Variants in PPARG observed in about 807,000 individuals in gnomAD.
PPARG encodes the protein peroxisome proliferator-activated receptor gamma.
PPARG carries 17 observed loss-of-function variants against 39.2 expected under a neutral mutation model. The observed-to-expected ratio is 0.43, with a 90% CI of 0.30 to 0.65. PPARG has a LOEUF of 0.65. Among genes scored for constraint, PPARG ranks in the 30% least tolerant of loss-of-function variants. The pLI is 0.13. For synonymous variants in PPARG, 223 were observed against 215.7 expected (o/e 1.03, Z -0.30); for missense variants, 406 against 585.9 (o/e 0.69, Z 3.17).
intron 2 of PPARG, among the ~76,000 whole-genome samples, chr3:12,338,255 T>C (rs1207049253): frequency 6.6e-6 from 1 of 152,244 alleles, no homozygotes; most frequent in Non-Finnish European, 1.5e-5. Context: ...CAACTTGTAA[T>C]AAATGTTTTG....
Position 12,328,353 on chromosome 3 carries a change from G to C in PPARG, c.-9+15900G>C, listed in dbSNP as rs546657626. 13 of 731,002 alleles carry C rather than the reference G, an allele frequency of 1.8e-5. No homozygotes were observed. In the African/African-American group the frequency reaches 2.3e-4, roughly 13 times the overall value. The allele number at this position is 731,002 out of a possible 1,614,324, so 45.3% of individuals were successfully genotyped here. A position where few individuals can be genotyped will look rare whatever the true frequency, so the allele number is the denominator to read the frequency against. On this transcript the variant is annotated intron_variant, in intron 2 of 7. Coordinates refer to ENST00000651735, the MANE Select transcript of PPARG (RefSeq NM_138711.6). ...GCAGAGGAGTCTCTGCAGGGAAACAGCTTCTCCTCTGCCCTGATGGATGCT... is the reference window on the plus strand; with the variant it reads ...GCAGAGGAGTCTCTGCAGGGAAACACCTTCTCCTCTGCCCTGATGGATGCT...
At chr3:12,378,664 C>G (rs1357125391) in intron 2 of PPARG, among the ~76,000 whole-genome samples, 2 of 152,062 alleles carry the variant, frequency 1.3e-5, no homozygotes, top group African/African-American at 4.8e-5. Context: ...TTGCCAGGAG[C>G]TGGAGGGTGA....
chr3:12,345,704 G>C (rs765034131), intron 2 of PPARG, among the ~76,000 whole-genome samples: 6 of 152,160 alleles, frequency 3.9e-5, no homozygotes, highest in Non-Finnish European at 7.3e-5. Flanking sequence ...GTGAGCCCGT[G>C]ATTTCAACAG....
chr3:12,429,916 T>G (rs1311609216), intron 7 of PPARG, among the ~76,000 whole-genome samples: 2 of 152,222 alleles, frequency 1.3e-5, no homozygotes, highest in East Asian at 3.8e-4. Flanking sequence ...TGAGATCTTT[T>G]GCTGATGGTT....
chr3:12,361,330 T>C (rs1244175032), intron 2 of PPARG, among the ~76,000 whole-genome samples: 1 of 152,230 alleles, frequency 6.6e-6, no homozygotes, highest in East Asian at 1.9e-4. Context: ...TGCTTTTTCG[T>C]TTACTTAATA....
At chr3:12,333,124 A>G (rs948121106) in intron 2 of PPARG, among the ~76,000 whole-genome samples, 4 of 152,176 alleles carry the variant, frequency 2.6e-5, no homozygotes, top group African/African-American at 9.7e-5. Flanking sequence ...AGTGGTAGCA[A>G]TACCAAAGTG....
At chr3:12,354,448 G>A (rs187339935) in intron 2 of PPARG, among the ~76,000 whole-genome samples, 33 of 146,696 alleles carry the variant, frequency 2.2e-4, no homozygotes, top group South Asian at 1.5e-3. Flanking sequence ...AGAAGGCTCC[G>A]TTTAAAAAAA....
upstream of PPARG, chr3:12,287,804 GCCCCCGC>G (rs2046540636): frequency 3.4e-5 from 1 of 29,506 alleles, no homozygotes; most frequent in Admixed American, 2.9e-4. Context: ...CCCCGCCCCC[GCCCCCGC>G]CCCCGCCCCC....
chr3:12,378,566 T>A (rs182309301), intron 2 of PPARG, among the ~76,000 whole-genome samples: 3 of 151,386 alleles, frequency 2.0e-5, no homozygotes, highest in Non-Finnish European at 1.5e-5. Context: ...TTAAACTGGG[T>A]GGTATTTGAC....
intron 7 of PPARG, among the ~76,000 whole-genome samples, chr3:12,430,501 A>G (rs908093964): frequency 9.9e-5 from 15 of 152,252 alleles, no homozygotes; most frequent in Non-Finnish European, 1.6e-4. Flanking sequence ...CAAGTGGTCT[A>G]TCTTGGTAAG....
At chr3:12,300,249 A>AT (rs2046893139) in intron 1 of PPARG, among the ~76,000 whole-genome samples, 1 of 152,260 alleles carries the variant, frequency 6.6e-6, no homozygotes, top group African/African-American at 2.4e-5. Flanking sequence ...ATGACCACTC[A>AT]TTAAACCTGC....
At chr3:12,425,733 C>T (rs2051420755) in intron 7 of PPARG, among the ~76,000 whole-genome samples, 1 of 152,112 alleles carries the variant, frequency 6.6e-6, no homozygotes, top group African/African-American at 2.4e-5. Flanking sequence ...GCAGATGGCT[C>T]CCCTGGTCCT....
intron 7 of PPARG, among the ~76,000 whole-genome samples, chr3:12,419,640 T>G (rs1451502165): frequency 6.6e-6 from 1 of 152,010 alleles, no homozygotes; most frequent in Non-Finnish European, 1.5e-5. Context: ...AGCTAATTTT[T>G]GCATTTTTAC....
At chr3:12,307,097 CAAA>C (rs11323214) in intron 1 of PPARG, among the ~76,000 whole-genome samples, 2 of 83,884 alleles carry the variant, frequency 2.4e-5, no homozygotes, top group Non-Finnish European at 4.4e-5. Context: ...GACTCCGTCT[CAAA>C]AAAAAAAAAA....
chr3:12,399,509 C>T, intron 5 of PPARG: 1 of 404,798 alleles, frequency 2.5e-6, no homozygotes, highest in South Asian at 1.8e-5. Flanking sequence ...TTCCCTTGAA[C>T]CCAGGTGTTC....
intron 2 of PPARG, among the ~76,000 whole-genome samples, chr3:12,357,786 A>C (rs2125109321): frequency 6.6e-6 from 1 of 152,264 alleles, no homozygotes; most frequent in East Asian, 1.9e-4. Context: ...TCTATCACAC[A>C]ATTTAGCCCT....
At chr3:12,304,284 CATT>C (rs1396913866) in intron 1 of PPARG, among the ~76,000 whole-genome samples, 9 of 152,146 alleles carry the variant, frequency 5.9e-5, no homozygotes, top group Non-Finnish European at 1.3e-4. Context: ...TTTGGGATGC[CATT>C]TTAATTGGGT....
intron 5 of PPARG, among the ~76,000 whole-genome samples, chr3:12,393,190 A>ATTTTTTTTTTTTTTTTT (rs143287325): frequency 9.0e-6 from 1 of 111,540 alleles, no homozygotes; most frequent in African/African-American, 3.5e-5. Flanking sequence ...GATTCATTTA[A>ATTTTTTTTTTTTTTTTT]TTTTTTTTTT....
chr3:12,380,296 C>A (rs1379753012), intron 3 of PPARG, among the ~76,000 whole-genome samples: 4 of 152,188 alleles, frequency 2.6e-5, no homozygotes, highest in Non-Finnish European at 4.4e-5. Flanking sequence ...AGTAACAATT[C>A]CAAGTCACTT....
Sources: allele counts gnomAD v4.1 joint callset (sites outside exome capture counted in the v4.1 genomes callset), GRCh38; gene constraint gnomAD v4.1.1; transcripts MANE v1.5; gene names NCBI Gene and HGNC (gene_info 2026-07-23, HGNC 2026-07-21).